ATP6V1H: variants seen among roughly 807,000 people sequenced by gnomAD.
ATP6V1H encodes ATPase H+ transporting V1 subunit H.
In ATP6V1H, 39 loss-of-function variants were observed where a neutral mutation model predicts 71.7. The observed-to-expected ratio is 0.54, with a 90% CI of 0.42 to 0.71. The LOEUF (loss-of-function observed/expected upper bound fraction) is 0.71, where lower values mean the gene tolerates loss of function less well. Ranked by LOEUF, ATP6V1H falls within the 30% of genes least tolerant of loss-of-function variation. ATP6V1H has a pLI of 0.00. For synonymous variants in ATP6V1H, 192 were observed against 199.3 expected, an observed-to-expected ratio of 0.96 and a Z score of 0.31; for missense variants, 509 against 594.9, an observed-to-expected ratio of 0.86 and a Z score of 1.50.
chr8:53,823,666 G>A (rs1382049877), intron 4 of ATP6V1H, among the ~76,000 whole-genome samples: 1 of 152,110 alleles, frequency 6.6e-6, no homozygotes, highest in Non-Finnish European at 1.5e-5. Flanking sequence ...AGTTGAGATG[G>A]GGTTTCACCA....
Position 53,716,015 on chromosome 8 carries a change from A to G in ATP6V1H, c.1401T>C (p.Leu467=). The G allele has an allele frequency of 6.2e-7, 1 of 1,605,898 alleles. No individual in the cohort carries two copies. The highest frequency in any genetic ancestry group is 8.5e-7 in the Non-Finnish European group (1 of 1,176,858). Residue 467 remains leucine, a synonymous_variant, in exon 14 of 14, where the codon CTT becomes CTC. Coordinates refer to ENST00000359530, the MANE Select transcript of ATP6V1H (RefSeq NM_015941.4). ...QKLMVHNWEY[L]GKQLQSEQPQ... ...GCTGCTCGGACTGGAGCTGCTTGCC[A>G]AGGTATTCCCTGAAAAAAAAGAATG...
At position 53,752,207 on chromosome 8, in the gene ATP6V1H, C is replaced by T. The variant is rs1807821343; in HGVS notation, c.1277+4348G>A. Among the ~76,000 whole-genome samples, 7 of 152,104 alleles carry T rather than the reference C, an allele frequency of 4.6e-5. No homozygotes were observed. The South Asian group carries it at 1.5e-3, about 32-fold the overall frequency. ...CATAAGGAAAAAAAATTAATGAGGG[C>T]TATGGTAAAAAATCATATCAAAAAG... On this transcript the variant is annotated intron_variant, in intron 12 of 13. Transcript: ENST00000359530.
At chr8:53,761,458 G>C (rs975316223) in intron 11 of ATP6V1H, among the ~76,000 whole-genome samples, 3 of 151,994 alleles carry the variant, frequency 2.0e-5, no homozygotes, top group Admixed American at 6.5e-5. Context: ...CCTAACACCA[G>C]AAAATAGAAA....
chr8:53,720,441 C>T (rs1476328430), intron 13 of ATP6V1H, among the ~76,000 whole-genome samples: 2 of 152,218 alleles, frequency 1.3e-5, no homozygotes, highest in Non-Finnish European at 2.9e-5. Context: ...TTGACAGGGG[C>T]ATTCTGAAGG....
intron 9 of ATP6V1H, among the ~76,000 whole-genome samples, chr8:53,790,543 GGA>G (rs1313012227): frequency 6.6e-6 from 1 of 152,172 alleles, no homozygotes; most frequent in Non-Finnish European, 1.5e-5. Context: ...AATAGATGTA[GGA>G]GAGATGATAT....
At chr8:53,840,982 T>C (rs1175063040) in intron 2 of ATP6V1H, among the ~76,000 whole-genome samples, 2 of 152,210 alleles carry the variant, frequency 1.3e-5, no homozygotes, top group South Asian at 2.1e-4. Context: ...ATGTATTGTA[T>C]TCAACATACT....
chr8:53,747,538 T>TTTC (rs1460168947), intron 12 of ATP6V1H, among the ~76,000 whole-genome samples: 1 of 150,974 alleles, frequency 6.6e-6, no homozygotes, highest in African/African-American at 2.4e-5. Flanking sequence ...TTTTTTTTTT[T>TTTC]TCCTTTTTTT....
intron 7 of ATP6V1H, among the ~76,000 whole-genome samples, chr8:53,807,154 C>G (rs543338109): frequency 6.6e-6 from 1 of 152,266 alleles, no homozygotes; most frequent in South Asian, 2.1e-4. Flanking sequence ...CAGTAAAGAA[C>G]TAAAGCAAAG....
intron 7 of ATP6V1H, among the ~76,000 whole-genome samples, chr8:53,802,517 G>A (rs1056095892): frequency 2.0e-5 from 3 of 151,860 alleles, no homozygotes; most frequent in African/African-American, 2.4e-5. Context: ...TCAGGAGCTC[G>A]AGGCTAGCCC....
At chr8:53,807,456 A>T (rs1197238809) in intron 7 of ATP6V1H, among the ~76,000 whole-genome samples, 3 of 152,072 alleles carry the variant, frequency 2.0e-5, no homozygotes, top group Non-Finnish European at 4.4e-5. Flanking sequence ...AAAAAAAACT[A>T]AGTCCTTTTT....
intron 9 of ATP6V1H, among the ~76,000 whole-genome samples, chr8:53,794,917 G>A (rs1175858648): frequency 3.9e-5 from 6 of 152,064 alleles, no homozygotes; most frequent in Non-Finnish European, 8.8e-5. Context: ...TATAGCAGAG[G>A]GTAGGCACTA....
intron 9 of ATP6V1H, among the ~76,000 whole-genome samples, chr8:53,781,568 T>G (rs1436818455): frequency 6.6e-6 from 1 of 152,166 alleles, no homozygotes; most frequent in East Asian, 1.9e-4. Context: ...GTCAATTTTG[T>G]CTTTTGTTGC....
chr8:53,812,853 C>G (rs946153854), intron 6 of ATP6V1H, among the ~76,000 whole-genome samples: 4 of 152,150 alleles, frequency 2.6e-5, no homozygotes, highest in Admixed American at 6.6e-5. Flanking sequence ...CACCACCACG[C>G]CCGGCTAATT....
At chr8:53,800,012 G>A (rs746237319) in intron 8 of ATP6V1H, among the ~76,000 whole-genome samples, 1 of 152,182 alleles carries the variant, frequency 6.6e-6, no homozygotes, top group South Asian at 2.1e-4. Context: ...TATTTCAGGA[G>A]TCTGAAATTT....
chr8:53,769,405 T>C (rs1193099924), intron 11 of ATP6V1H, among the ~76,000 whole-genome samples: 1 of 152,018 alleles, frequency 6.6e-6, no homozygotes, highest in Non-Finnish European at 1.5e-5. Flanking sequence ...AGAACTCCTG[T>C]AGAAGGAAAG....
intron 2 of ATP6V1H, chr8:53,839,721 T>C (rs1811284449): frequency 1.1e-5 from 11 of 985,406 alleles, no homozygotes; most frequent in Non-Finnish European, 1.3e-5. Flanking sequence ...CTACAGCTCC[T>C]TGGAAAATGG....
chr8:53,789,662 G>T (rs990102170), intron 9 of ATP6V1H, among the ~76,000 whole-genome samples: 1 of 151,944 alleles, frequency 6.6e-6, no homozygotes, highest in Non-Finnish European at 1.5e-5. Context: ...TTCTATTACA[G>T]CTCTTTCCCA....
intron 4 of ATP6V1H, among the ~76,000 whole-genome samples, chr8:53,821,621 A>T (rs1810664905): frequency 6.6e-6 from 1 of 152,212 alleles, no homozygotes; most frequent in Non-Finnish European, 1.5e-5. Flanking sequence ...TGGGAGGTGG[A>T]GGTTGCAATG....
chr8:53,758,652 C>T (rs1808156080), intron 11 of ATP6V1H, among the ~76,000 whole-genome samples: 1 of 152,226 alleles, frequency 6.6e-6, no homozygotes, highest in Admixed American at 6.5e-5. Flanking sequence ...TAGCCATCTT[C>T]AAGCTTTGAG....
Sources: allele counts gnomAD v4.1 joint callset (sites outside exome capture counted in the v4.1 genomes callset), GRCh38; gene constraint gnomAD v4.1.1; transcripts MANE v1.5; gene names NCBI Gene and HGNC (gene_info 2026-07-23, HGNC 2026-07-21).